Variants in EPB41L4B observed in about 807,000 individuals in gnomAD.
EPB41L4B encodes the protein erythrocyte membrane protein band 4.1 like 4B, also known as band 4.1-like protein 4B.
A neutral mutation model predicts 112.5 loss-of-function variants in EPB41L4B; 30 were observed. The observed-to-expected ratio is 0.27, with a 90% confidence interval of 0.20 to 0.36. The LOEUF is 0.36. Among genes scored for constraint, EPB41L4B ranks in the 10% least tolerant of loss-of-function variants. The pLI, the probability that EPB41L4B is intolerant of heterozygous loss-of-function variation, is 1.00. For synonymous variants in EPB41L4B, 408 were observed against 439.7 expected, an observed-to-expected ratio of 0.93 and a Z score of 0.90; for missense variants, 1,024 against 1,133.3, an observed-to-expected ratio of 0.90 and a Z score of 1.38.
chr9:109,268,095 TATA>T (rs1452133069), intron 3 of EPB41L4B, among the ~76,000 whole-genome samples: 3 of 152,218 alleles, frequency 2.0e-5, no homozygotes, highest in Non-Finnish European at 4.4e-5. Flanking sequence ...TAGAAGTAGA[TATA>T]ATAGGTATAA....
In EPB41L4B at chr9:109,253,503, G is replaced by A. The variant is rs774157765; in HGVS notation, c.1217C>T (p.Thr406Ile). 1.9e-6 allele frequency: 3 copies of A among 1,614,084 alleles called. No homozygotes were observed. In the East Asian group the frequency reaches 6.7e-5, roughly 36 times the overall value. ...ACTAGGCTTCCTCTCAAAGGTGCTG[G>A]TTCTTCGTAACCTGGAGCCATGTGT... ...QATHGSRLRR[T>I]STFERKPSKR... Residue 406 changes from threonine to isoleucine, a missense_variant, in exon 12 of 26, where the codon ACC becomes ATC. Thr to Ile is a moderately conservative substitution (Grantham distance 89). Transcript: ENST00000374566.
intron 13 of EPB41L4B, among the ~76,000 whole-genome samples, chr9:109,248,755 TA>T (rs1039066358): frequency 6.6e-6 from 1 of 151,968 alleles, no homozygotes; most frequent in Non-Finnish European, 1.5e-5. Flanking sequence ...GATGAGATCT[TA>T]AATGCTAAAT....
At chr9:109,277,596 GCT>G (rs1321313734) in intron 2 of EPB41L4B, among the ~76,000 whole-genome samples, 1 of 152,158 alleles carries the variant, frequency 6.6e-6, no homozygotes, top group Non-Finnish European at 1.5e-5. Context: ...ACAGACCGTG[GCT>G]CTCTCCAGCA....
At chr9:109,197,931 A>G (rs1366389579) in intron 20 of EPB41L4B, among the ~76,000 whole-genome samples, 4 of 152,306 alleles carry the variant, frequency 2.6e-5, no homozygotes, top group African/African-American at 9.6e-5. Flanking sequence ...ACATCTCTCA[A>G]ATGAGTGATA....
intron 23 of EPB41L4B, among the ~76,000 whole-genome samples, chr9:109,183,315 A>C (rs765023564): frequency 1.1e-4 from 17 of 152,184 alleles, no homozygotes; most frequent in Non-Finnish European, 1.8e-4. Context: ...CACTTCAGTT[A>C]CTGGACTCCC....
chr9:109,191,333 A>G (rs1463583477), intron 22 of EPB41L4B, among the ~76,000 whole-genome samples: 1 of 152,192 alleles, frequency 6.6e-6, no homozygotes, highest in African/African-American at 2.4e-5. Flanking sequence ...TGCAAACTTC[A>G]GCTGTGAAGT....
chr9:109,231,548 G>A (rs536580747), intron 15 of EPB41L4B, among the ~76,000 whole-genome samples: 2 of 152,212 alleles, frequency 1.3e-5, no homozygotes, highest in South Asian at 4.1e-4. Context: ...ACATTATGTA[G>A]TCTCTGCAAA....
intron 15 of EPB41L4B, among the ~76,000 whole-genome samples, chr9:109,225,938 T>C (rs1055130948): frequency 6.6e-6 from 1 of 152,234 alleles, no homozygotes; most frequent in Admixed American, 6.5e-5. Context: ...TTCCAGCTTT[T>C]ATTTTTCACA....
At chr9:109,263,190 G>T in intron 5 of EPB41L4B, 88 bp from the exon 6 acceptor site, 1 of 923,154 alleles carries the variant, frequency 1.1e-6, no homozygotes, top group Non-Finnish European at 1.7e-6. Flanking sequence ...TCAAAAGGTA[G>T]CGCTATTTAG....
In EPB41L4B at chr9:109,295,136, T is replaced by C. The variant is rs149340565; in HGVS notation, c.307-15215A>G. On this transcript the variant is annotated intron_variant, in intron 1 of 25. Transcript: ENST00000374566. Reference sequence around the variant, plus strand: ...CCACCTATGGACGTTGAGTCACATTTTGTCCCCATGCCCCAGTGCTTGGTG... The same window carrying C: ...CCACCTATGGACGTTGAGTCACATTCTGTCCCCATGCCCCAGTGCTTGGTG... Among the ~76,000 whole-genome samples the C allele has an allele frequency of 7.6e-3, 1,152 of 152,298 alleles. 10 individuals carry two copies. Among genetic ancestry groups the C allele is most frequent in the African/African-American group, 0.026 (1,096 of 41,556 alleles).
chr9:109,316,127 C>A (rs1229773171), intron 1 of EPB41L4B, among the ~76,000 whole-genome samples: 1 of 152,232 alleles, frequency 6.6e-6, no homozygotes, highest in African/African-American at 2.4e-5. Context: ...CAGAGAGCTG[C>A]AATTGCCCAA....
chr9:109,309,201 C>T lies in EPB41L4B; in HGVS notation c.306+10940G>A, dbSNP rs10125733. 6.8e-3 allele frequency among the ~76,000 whole-genome samples: 1,034 copies of T among 152,174 alleles called. 11 individuals carry two copies. Among genetic ancestry groups the T allele is most frequent in the African/African-American group, 0.024 (983 of 41,504 alleles). On this transcript the variant is annotated intron_variant, in intron 1 of 25. Transcript: ENST00000374566. ...GAAATGAAGATGACTACTTAGGGTC[C>T]ATATATAGTTCTCGCTACTCTGGAA...
At chr9:109,302,178 C>G (rs893849183) in intron 1 of EPB41L4B, among the ~76,000 whole-genome samples, 7 of 152,212 alleles carry the variant, frequency 4.6e-5, no homozygotes, top group African/African-American at 1.7e-4. Context: ...GGTAGTTACT[C>G]AGGGAAAGAG....
chr9:109,316,431 A>G (rs1837637117), intron 1 of EPB41L4B, among the ~76,000 whole-genome samples: 1 of 152,258 alleles, frequency 6.6e-6, no homozygotes, highest in African/African-American at 2.4e-5. Flanking sequence ...CAGAGAGCTA[A>G]TATGAGTCAA....
At chr9:109,238,744 GAGA>G (rs1480326442) in intron 15 of EPB41L4B, among the ~76,000 whole-genome samples, 3 of 152,204 alleles carry the variant, frequency 2.0e-5, no homozygotes, top group Non-Finnish European at 2.9e-5. Flanking sequence ...GAGTCCCTGG[GAGA>G]AGATGTCTGG....
chr9:109,300,857 CT>C (rs1207758835), intron 1 of EPB41L4B: 9 of 152,056 alleles, frequency 5.9e-5, no homozygotes, highest in Admixed American at 4.6e-4. Flanking sequence ...GATCACTATC[CT>C]ATATGTGAAA....
At chr9:109,276,036 T>C (rs1422787749) in intron 2 of EPB41L4B, among the ~76,000 whole-genome samples, 1 of 147,898 alleles carries the variant, frequency 6.8e-6, no homozygotes, top group Non-Finnish European at 1.5e-5. Flanking sequence ...TAAAGTTTTA[T>C]ATATATATAT....
intron 1 of EPB41L4B, among the ~76,000 whole-genome samples, chr9:109,280,289 A>G (rs937654643): frequency 6.6e-6 from 1 of 152,230 alleles, no homozygotes; most frequent in African/African-American, 2.4e-5. Flanking sequence ...CTGTTTCTCA[A>G]TGCAGGCAAC....
intron 1 of EPB41L4B, among the ~76,000 whole-genome samples, chr9:109,289,007 C>A (rs1192805032): frequency 1.3e-5 from 2 of 152,040 alleles, no homozygotes; most frequent in Admixed American, 6.5e-5. Context: ...ACTAAGACAC[C>A]CACCCCCTAG....
Sources: gnomAD v4.1 joint callset for allele counts (sites outside exome capture counted in the v4.1 genomes callset) on GRCh38, gnomAD v4.1.1 for gene constraint, MANE v1.5 for transcripts, NCBI Gene and HGNC (gene_info 2026-07-23, HGNC 2026-07-21) for gene names.